The following SPAG5 variants were observed in gnomAD, a reference collection of about 807,000 sequenced individuals.
The protein encoded by SPAG5 is sperm associated antigen 5.
A neutral mutation model predicts 145.4 loss-of-function variants in SPAG5; 99 were observed. The ratio of observed to expected loss-of-function variants is 0.68; its 90% CI spans 0.58 to 0.80. The LOEUF (loss-of-function observed/expected upper bound fraction) is 0.80, where lower values mean the gene tolerates loss of function less well. Ranked by LOEUF, SPAG5 falls within the 30% of genes least tolerant of loss-of-function variation. The pLI is 0.00. For synonymous variants in SPAG5, 477 were observed against 525.4 expected (o/e 0.91, Z 1.26); for missense variants, 1,192 against 1,416.0 (o/e 0.84, Z 2.54).
chr17:28,589,562 T>A (rs567770485), intron 4 of SPAG5, among the ~76,000 whole-genome samples: 1 of 152,314 alleles, frequency 6.6e-6, no homozygotes, highest in African/African-American at 2.4e-5. Flanking sequence ...TTTGAACATA[T>A]ATTTTTTATT....
In SPAG5 at chr17:28,592,052, T is replaced by C. The variant is rs780073618; in HGVS notation, c.1192A>G (p.Thr398Ala). The C allele has an allele frequency of 1.2e-6, 2 of 1,614,196 alleles. No individual in the cohort carries two copies. Among genetic ancestry groups the C allele is most frequent in the South Asian group, 2.2e-5 (2 of 91,080 alleles). ...FTPSAPQEKS[T>A]NTSQTGLVGT... ...ACCAGGCCTGTCTGGGATGTGTTTG[T>C]ACTCTTTTCCTGTGGTGCTGAAGGA... Residue 398 changes from threonine to alanine, a missense_variant, in exon 3 of 24, where the codon ACA (threonine) becomes GCA (alanine). Coordinates refer to ENST00000321765, the MANE Select transcript of SPAG5 (RefSeq NM_006461.4).
At chr17:28,595,956 A>T (rs1293287958) in intron 2 of SPAG5, among the ~76,000 whole-genome samples, 1 of 152,114 alleles carries the variant, frequency 6.6e-6, no homozygotes, top group Non-Finnish European at 1.5e-5. Flanking sequence ...CTGAGGCAAG[A>T]GAATTGCATG....
At chr17:28,598,841 T>TGCCCCCGCGACAGCAGCCCGGC in intron 1 of SPAG5, 55 bp downstream of exon 1, 1 of 1,593,036 alleles carries the variant, frequency 6.3e-7, no homozygotes, top group Non-Finnish European at 8.6e-7. Context: ...ACACGGCCGG[T>TGCCCCCGCGACAGCAGCCCGGC]GCCCCCGCGA....
intron 1 of SPAG5, 67 bp downstream of exon 1, chr17:28,598,829 A>G (rs958775477): frequency 1.3e-6 from 2 of 1,580,336 alleles, no homozygotes; most frequent in African/African-American, 2.7e-5. Context: ...CCAGGACAGT[A>G]GACACGGCCG....
rs1318388336 is a variant in SPAG5 at position 28,592,671 on chromosome 17, T to C, written c.573A>G (p.Lys191=). 3.1e-6 allele frequency: 5 copies of C among 1,614,006 alleles called. No homozygotes were observed. Among genetic ancestry groups the C allele is most frequent in the African/African-American group, 2.7e-5 (2 of 74,910 alleles). Residue 191 remains lysine, a synonymous_variant, in exon 3 of 24, where the codon AAA becomes AAG. Transcript: ENST00000321765. Reference sequence around the variant, plus strand: ...GGGACGGAGATTCCTGAAAGATAGGTTTCTCAGATACAGCAGCAACTTCTG... The same window carrying C: ...GGGACGGAGATTCCTGAAAGATAGGCTTCTCAGATACAGCAGCAACTTCTG... ...RFSEVAAVSE[K]PIFQESPSHL...
chr17:28,589,226 G>A (rs1438233522), intron 4 of SPAG5, among the ~76,000 whole-genome samples: 1 of 151,786 alleles, frequency 6.6e-6, no homozygotes, highest in Non-Finnish European at 1.5e-5. Context: ...AGCCTCCCAA[G>A]TAGCTGGAAT....
intron 4 of SPAG5, among the ~76,000 whole-genome samples, chr17:28,588,985 A>G (rs1008501319): frequency 6.6e-6 from 1 of 152,034 alleles, no homozygotes; most frequent in South Asian, 2.1e-4. Context: ...TTGGGCCAAC[A>G]GTGGTCTTTT....
In SPAG5 at chr17:28,598,915, A is replaced by G. The variant is rs997818169; in HGVS notation, c.32T>C (p.Leu11Pro). Residue 11 changes from leucine (L) to proline (P), a missense_variant, in exon 1 of 24, where the codon CTG becomes CCG. By Grantham distance (98) the Leu-to-Pro change is moderately conservative. Transcript: ENST00000321765. ...GCTTACCGTCTGGGGCGAAGGCGACAGGCTGAGGCTCAGTTTTTTCACTCG... is the reference window on the plus strand; with the variant it reads ...GCTTACCGTCTGGGGCGAAGGCGACGGGCTGAGGCTCAGTTTTTTCACTCG... MWRVKKLSLSLSPSPQTGKPS... is the reference protein window; with the variant it reads MWRVKKLSLSPSPSPQTGKPS... The G allele has an allele frequency of 6.2e-7, 1 of 1,614,108 alleles. No individual in the cohort carries two copies. The highest frequency in any genetic ancestry group is 1.3e-5 in the African/African-American group (1 of 75,024).
intron 4 of SPAG5, among the ~76,000 whole-genome samples, chr17:28,587,566 C>T (rs2070594035): frequency 6.6e-6 from 1 of 150,584 alleles, no homozygotes; most frequent in Non-Finnish European, 1.5e-5. Flanking sequence ...AATTTTTTTT[C>T]ATTAGCCAGG....
At chr17:28,583,488 G>A in intron 15 of SPAG5, 23 bp downstream of exon 15, 1 of 1,555,000 alleles carries the variant, frequency 6.4e-7, no homozygotes, top group Non-Finnish European at 8.7e-7. Flanking sequence ...TGGAAGAGAA[G>A]AGAAGGAACC....
rs1307506689 is a variant in SPAG5, at chr17:28,593,782, A to T, written c.178-716T>A. On this transcript the variant is annotated intron_variant, in intron 2 of 23. Transcript: ENST00000321765. ...ACCCTAACAAAACAGAGCTGCTGGAAGACACAGATGATAATCTGAACAACA... is the reference window on the plus strand; with the variant it reads ...ACCCTAACAAAACAGAGCTGCTGGATGACACAGATGATAATCTGAACAACA... 2.0e-5 allele frequency among the ~76,000 whole-genome samples: 3 copies of T among 152,168 alleles called. No individual in the cohort carries two copies. In the East Asian group the frequency reaches 5.8e-4, roughly 29 times the overall value.
At position 28,578,004 on chromosome 17, in the gene SPAG5, C is replaced by CTA; in HGVS notation, c.3510+4_3510+5dup. On this transcript the variant is annotated splice_donor_region_variant and intron_variant, in intron 23 of 23. Transcript: ENST00000321765. ...ATTAGTGATATCACCTCCCTCCTGC[C>CTA]TATACCTTATAAATATGCTGAACAA... 6.2e-7 allele frequency: 1 copy of CTA among 1,611,818 alleles called. No individual in the cohort carries two copies. The highest frequency in any genetic ancestry group is 2.2e-5 in the East Asian group (1 of 44,874).
At chr17:28,598,359 C>T (rs2070683266) in intron 2 of SPAG5, 151 bp downstream of exon 2, 1 of 924,880 alleles carries the variant, frequency 1.1e-6, no homozygotes, top group African/African-American at 1.7e-5. Context: ...CCTAGGGCAC[C>T]TCTCTGTTGG....
chr17:28,581,444 G>A (rs528040809), intron 15 of SPAG5, among the ~76,000 whole-genome samples: 7 of 150,872 alleles, frequency 4.6e-5, no homozygotes, highest in East Asian at 1.9e-4. Context: ...GTGCCCTTTC[G>A]ACCCTTTCCT....
chr17:28,579,843 A>G lies in SPAG5; in HGVS notation c.2798-6T>C, dbSNP rs762557061. On this transcript the variant is annotated splice_polypyrimidine_tract_variant and splice_region_variant and intron_variant, in intron 16 of 23. Coordinates refer to ENST00000321765, the MANE Select transcript of SPAG5 (RefSeq NM_006461.4). The stretch of plus-strand genomic sequence containing the variant: ...CACAGGAGTTGATTCTGGCTCTAAG[A>G]GAAAAACCAATAATGGGAGAGGGCC... 1 of 1,613,716 alleles carries G rather than the reference A, an allele frequency of 6.2e-7. No individual in the cohort carries two copies. The highest frequency in any genetic ancestry group is 1.3e-5 in the African/African-American group (1 of 75,030).
At position 28,591,857 on chromosome 17, in the gene SPAG5, C is replaced by G. The variant is rs764425522; in HGVS notation, c.1278G>C (p.Leu426=). 3 of 1,613,790 alleles carry G rather than the reference C, an allele frequency of 1.9e-6. No homozygotes were observed. The South Asian group carries it at 3.3e-5, about 18-fold the overall frequency. Reference sequence around the variant, plus strand: ...CCAAGTCATGTCGAGACAAGGCAGTCAGATCTGGAGGCCGGCTGCAGCAGA... The same window carrying G: ...CCAAGTCATGTCGAGACAAGGCAGTGAGATCTGGAGGCCGGCTGCAGCAGA... ...EQLLCGRPPD[L]TALSRHDLED... Residue 426 remains leucine, a synonymous_variant, in exon 4 of 24, where the codon CTG becomes CTC. Transcript: ENST00000321765.
chr17:28,591,998 C>G lies in SPAG5; in HGVS notation c.1246G>C (p.Glu416Gln), dbSNP rs139751494. 1.2e-4 allele frequency: 189 copies of G among 1,613,998 alleles called. 1 individual carries two copies. In the African/African-American group the frequency reaches 2.1e-3, roughly 18 times the overall value. The part of the protein sequence containing the change: ...VGTKHSTSET[E>Q]QLLCGRPPDL... Reference sequence around the variant, plus strand: ...GGCGCTTACCCACACAGGAGCTGCTCTGTCTCAGAAGTACTGTGCTTGGTG... The same window carrying G: ...GGCGCTTACCCACACAGGAGCTGCTGTGTCTCAGAAGTACTGTGCTTGGTG... The change falls in exon 3 of 24, where the codon GAG becomes CAG. Residue 416 changes from glutamate (E) to glutamine (Q), a missense_variant. By Grantham distance (29) the Glu-to-Gln change is conservative. Coordinates refer to ENST00000321765, the MANE Select transcript of SPAG5 (RefSeq NM_006461.4).
At chr17:28,588,774 T>C (rs1207647253) in intron 4 of SPAG5, among the ~76,000 whole-genome samples, 1 of 151,842 alleles carries the variant, frequency 6.6e-6, no homozygotes, top group Non-Finnish European at 1.5e-5. Flanking sequence ...CTCTACCTCC[T>C]AGGTTCAAGC....
chr17:28,586,302 A>C (rs538996307), intron 5 of SPAG5, 120 bp from the exon 6 acceptor site: 1 of 1,223,678 alleles, frequency 8.2e-7, no homozygotes, highest in East Asian at 2.3e-5. Flanking sequence ...TGTACTTTAC[A>C]AATGTTTGGA....
Sources: allele counts gnomAD v4.1 joint callset (sites outside exome capture counted in the v4.1 genomes callset), GRCh38; gene constraint gnomAD v4.1.1; transcripts MANE v1.5; gene names NCBI Gene and HGNC (gene_info 2026-07-23, HGNC 2026-07-21).